RREB1: variants seen among roughly 807,000 people sequenced by gnomAD.
RREB1 encodes ras responsive element binding protein 1, also known as ras-responsive element-binding protein 1.
Under a neutral mutation model 117.8 loss-of-function variants are expected in RREB1, and 27 were observed. The observed-to-expected ratio is 0.23, with a 90% confidence interval of 0.17 to 0.32. The LOEUF (loss-of-function observed/expected upper bound fraction) is 0.32. RREB1 is among the 10% of genes least tolerant of loss of function. The pLI is 1.00. For synonymous variants in RREB1, 1,298 were observed against 1,026.7 expected (o/e 1.26, Z -5.05); for missense variants, 2,577 against 2,378.2 (o/e 1.08, Z -1.74).
chr6:7,171,240 G>A (rs1274162067), intron 1 of RREB1, among the ~76,000 whole-genome samples: 2 of 152,180 alleles, frequency 1.3e-5, no homozygotes, highest in Non-Finnish European at 2.9e-5. Flanking sequence ...CCGCTGCAAC[G>A]AACCTTTTAG....
At position 7,251,167 on chromosome 6, in the gene RREB1, C is replaced by A. The variant is rs191219979; in HGVS notation, c.*2199C>A. 6.6e-6 allele frequency: 1 copy of A among 152,222 alleles called. No individual in the cohort carries two copies. Among genetic ancestry groups the A allele is most frequent in the East Asian group, 1.9e-4 (1 of 5,184 alleles). 9.4% of individuals were successfully genotyped at this position (152,222 alleles called of 1,614,324 possible). ...GACGTGTGTAGCTGGGGCTGCCGCTCGCAATAATCACTATTGATTTAAAGC... is the reference window on the plus strand; with the variant it reads ...GACGTGTGTAGCTGGGGCTGCCGCTAGCAATAATCACTATTGATTTAAAGC... On this transcript the variant is annotated 3_prime_UTR_variant, in exon 13 of 13. Coordinates refer to ENST00000379938, the MANE Select transcript of RREB1 (RefSeq NM_001003699.4).
At chr6:7,193,677 G>C (rs1765524668) in intron 6 of RREB1, among the ~76,000 whole-genome samples, 1 of 151,976 alleles carries the variant, frequency 6.6e-6, no homozygotes, top group African/African-American at 2.4e-5. Context: ...ACAGATGCAG[G>C]TCTACACACA....
intron 1 of RREB1, among the ~76,000 whole-genome samples, chr6:7,165,306 C>T (rs1182119672): frequency 1.3e-5 from 2 of 152,200 alleles, no homozygotes; most frequent in African/African-American, 4.8e-5. Flanking sequence ...GGCTAGGCCC[C>T]TCCTAACACT....
chr6:7,182,244 A>G (rs1764847587), intron 4 of RREB1, 162 bp downstream of exon 4: 1 of 623,058 alleles, frequency 1.6e-6, no homozygotes, highest in Admixed American at 3.2e-5. Flanking sequence ...TTTATGGCTT[A>G]TGTTAGTTTC....
chr6:7,118,992 G>C (rs1037434552), intron 1 of RREB1, among the ~76,000 whole-genome samples: 1 of 151,574 alleles, frequency 6.6e-6, no homozygotes, highest in African/African-American at 2.4e-5. Context: ...GATTTTTATT[G>C]ATTCAATACA....
At chr6:7,152,277 A>G (rs1386881715) in intron 1 of RREB1, among the ~76,000 whole-genome samples, 1 of 152,264 alleles carries the variant, frequency 6.6e-6, no homozygotes, top group Non-Finnish European at 1.5e-5. Flanking sequence ...TTTAGGGTGT[A>G]CATGATGACT....
At chr6:7,170,251 C>T (rs1764147659) in intron 1 of RREB1, among the ~76,000 whole-genome samples, 1 of 152,230 alleles carries the variant, frequency 6.6e-6, no homozygotes, top group Admixed American at 6.5e-5. Context: ...CCTCCACCCT[C>T]TGGTCCCATT....
chr6:7,204,410 G>A (rs1174028671), intron 6 of RREB1, among the ~76,000 whole-genome samples: 2 of 151,816 alleles, frequency 1.3e-5, no homozygotes, highest in Non-Finnish European at 2.9e-5. Context: ...GAACTCCTAG[G>A]CATTTGTTAG....
chr6:7,147,560 C>G (rs1048350204), intron 1 of RREB1, among the ~76,000 whole-genome samples: 3 of 152,178 alleles, frequency 2.0e-5, no homozygotes, highest in African/African-American at 7.2e-5. Context: ...CTGGCCTCAT[C>G]AGAGTGAATT....
rs1769375134 is a variant in RREB1, at chr6:7,250,786, A to G, written c.*1818A>G. 1.3e-5 allele frequency: 2 copies of G among 152,114 alleles called. No individual in the cohort carries two copies. Among genetic ancestry groups the G allele is most frequent in the Non-Finnish European group, 2.9e-5 (2 of 68,016 alleles). 9.4% of individuals were successfully genotyped at this position (152,114 alleles called of 1,614,324 possible). ...AGATAGATATTCTTGAGATAATGAAAAGTGATATCTTCGCATACGAAAGGA... is the reference window on the plus strand; with the variant it reads ...AGATAGATATTCTTGAGATAATGAAGAGTGATATCTTCGCATACGAAAGGA... On this transcript the variant is annotated 3_prime_UTR_variant, in exon 13 of 13. Coordinates refer to ENST00000379938, the MANE Select transcript of RREB1 (RefSeq NM_001003699.4).
chr6:7,162,635 T>C (rs991776900), intron 1 of RREB1, among the ~76,000 whole-genome samples: 6 of 152,144 alleles, frequency 3.9e-5, no homozygotes, highest in African/African-American at 1.4e-4. Flanking sequence ...TCCCAGGTTT[T>C]CGCACAGATC....
At chr6:7,176,831 C>G (rs1764520841) in intron 2 of RREB1, 58 bp downstream of exon 2, 1 of 152,548 alleles carries the variant, frequency 6.6e-6, no homozygotes, top group Non-Finnish European at 1.5e-5. Context: ...GTCGAGTCTT[C>G]CCATGCCCTC....
In RREB1 at chr6:7,246,561, G is replaced by T; in HGVS notation, c.4111G>T (p.Ala1371Ser). The change falls in exon 12 of 13, where the codon GCG becomes TCG. Residue 1371 changes from alanine to serine, a missense_variant. Ala to Ser is a moderately conservative substitution (Grantham distance 99, BLOSUM62 1). Coordinates refer to ENST00000379938, the MANE Select transcript of RREB1 (RefSeq NM_001003699.4). ...AGDAPVEQAT[A>S]ETASPVHREE... ...GGATGCGCCTGTGGAGCAGGCCACG[G>T]CGGAAACGGCCTCGCCGGTGCACCG... 1 of 1,548,938 alleles carries T rather than the reference G, an allele frequency of 6.5e-7. No homozygotes were observed.
intron 4 of RREB1, 85 bp from the exon 5 acceptor site, chr6:7,187,349 G>C: frequency 1.3e-6 from 1 of 796,360 alleles, no homozygotes; most frequent in Admixed American, 2.0e-5. Context: ...ATAGACACAA[G>C]TGCTTATTAC....
At chr6:7,206,817 G>C (rs1354985177) in intron 6 of RREB1, among the ~76,000 whole-genome samples, 3 of 107,404 alleles carry the variant, frequency 2.8e-5, no homozygotes, top group Admixed American at 2.6e-4. Flanking sequence ...CCAGGCAGGA[G>C]CAGCAAGCAT....
intron 1 of RREB1, among the ~76,000 whole-genome samples, chr6:7,119,679 G>A (rs1561725963): frequency 6.6e-6 from 1 of 152,204 alleles, no homozygotes; most frequent in African/African-American, 2.4e-5. Flanking sequence ...ATAAGGGCTA[G>A]AGCAGGCTGC....
At chr6:7,123,238 A>G (rs1307093516) in intron 1 of RREB1, among the ~76,000 whole-genome samples, 2 of 151,976 alleles carry the variant, frequency 1.3e-5, no homozygotes, top group South Asian at 2.1e-4. Context: ...TCTCACTGCA[A>G]CTTCCACCTC....
rs562298909 is a variant in RREB1, at chr6:7,127,288, C to T, written c.-285+19228C>T. Among the ~76,000 whole-genome samples the T allele has an allele frequency of 2.6e-5, 4 of 151,864 alleles. No homozygotes were observed. In the South Asian group the frequency reaches 6.3e-4, roughly 24 times the overall value. On this transcript the variant is annotated intron_variant, in intron 1 of 12. Coordinates refer to ENST00000379938, the MANE Select transcript of RREB1 (RefSeq NM_001003699.4). Reference sequence around the variant, plus strand: ...TGCTAACCCTTTAGAAAATTTAAGTCGGAGAGAAGACAAGGTGTTTAGCAA... The same window carrying T: ...TGCTAACCCTTTAGAAAATTTAAGTTGGAGAGAAGACAAGGTGTTTAGCAA...
At chr6:7,162,458 C>G (rs1375478734) in intron 1 of RREB1, among the ~76,000 whole-genome samples, 1 of 152,152 alleles carries the variant, frequency 6.6e-6, no homozygotes, top group Non-Finnish European at 1.5e-5. Context: ...TGAGCCACTG[C>G]AGCTCTGGAA....
Sources: gnomAD v4.1 joint callset for allele counts (sites outside exome capture counted in the v4.1 genomes callset) on GRCh38, gnomAD v4.1.1 for gene constraint, MANE v1.5 for transcripts, NCBI Gene and HGNC (gene_info 2026-07-23, HGNC 2026-07-21) for gene names.